The following IKZF2 variants were observed in gnomAD, a reference collection of about 807,000 sequenced individuals.
The protein encoded by IKZF2 is zinc finger protein Helios.
A neutral mutation model predicts 49.2 loss-of-function variants in IKZF2; 15 were observed. The ratio of observed to expected loss-of-function variants is 0.30; its 90% CI spans 0.20 to 0.47. IKZF2 has a LOEUF of 0.47. Ranked by LOEUF, IKZF2 falls within the 20% of genes least tolerant of loss-of-function variation. IKZF2 has a pLI of 1.00. For synonymous variants in IKZF2, 227 were observed against 221.4 expected (o/e 1.03, Z -0.23); for missense variants, 567 against 664.6 (o/e 0.85, Z 1.61).
intron 4 of IKZF2, among the ~76,000 whole-genome samples, chr2:213,124,235 TGCGCTC>T (rs1389769779): frequency 8.7e-6 from 1 of 115,176 alleles, no homozygotes; most frequent in African/African-American, 3.9e-5. Context: ...CACGCACACA[TGCGCTC>T]GCGCGCGCGC....
At chr2:213,040,031 T>A (rs1699458711) in intron 6 of IKZF2, among the ~76,000 whole-genome samples, 1 of 152,130 alleles carries the variant, frequency 6.6e-6, no homozygotes, top group African/African-American at 2.4e-5. Context: ...TTAAGATTTT[T>A]AATTTTCAAA....
intron 6 of IKZF2, among the ~76,000 whole-genome samples, chr2:213,024,171 T>C (rs1348234779): frequency 6.6e-6 from 1 of 152,160 alleles, no homozygotes. Context: ...TTGGGCTTTG[T>C]TCTAAATGTA....
At chr2:213,059,475 C>T (rs558420385) in intron 4 of IKZF2, among the ~76,000 whole-genome samples, 122 of 151,494 alleles carry the variant, frequency 8.1e-4, no homozygotes, top group African/African-American at 2.6e-3. Context: ...AAAATCAATG[C>T]GAAATGCTAT....
At chr2:213,150,707 G>GC (rs1357842651) in intron 1 of IKZF2, among the ~76,000 whole-genome samples, 6 of 137,414 alleles carry the variant, frequency 4.4e-5, no homozygotes, top group Middle Eastern at 3.6e-3. Flanking sequence ...AGAAAAGGGG[G>GC]GGGGGGCGGG....
chr2:213,128,428 T>C (rs1168513991), intron 4 of IKZF2, among the ~76,000 whole-genome samples: 2 of 152,092 alleles, frequency 1.3e-5, no homozygotes, highest in African/African-American at 2.4e-5. Flanking sequence ...AGCTATTAGG[T>C]TGAAAAACAA....
chr2:213,008,194 T>G, intron 8 of IKZF2, 110 bp from the exon 9 acceptor site: 1 of 1,276,650 alleles, frequency 7.8e-7, no homozygotes, highest in Non-Finnish European at 1.1e-6. Context: ...GCCTCCATTT[T>G]TCATAATTTG....
chr2:213,072,462 A>G (rs1389990057), intron 4 of IKZF2, among the ~76,000 whole-genome samples: 1 of 152,080 alleles, frequency 6.6e-6, no homozygotes, highest in African/African-American at 2.4e-5. Flanking sequence ...ACAGTCTACA[A>G]TCTGCAGATT....
rs575710480 is a variant in IKZF2, at chr2:213,002,612, C to T, written c.*4748G>A. On this transcript the variant is annotated 3_prime_UTR_variant, in exon 9 of 9. Transcript: ENST00000434687. ...TAACACACCCATTGCAAGTAATACACAACCATGATATGAAACCATTTGAGA... is the reference window on the plus strand; with the variant it reads ...TAACACACCCATTGCAAGTAATACATAACCATGATATGAAACCATTTGAGA... The T allele has an allele frequency of 5.3e-5, 8 of 152,028 alleles. No individual in the cohort carries two copies. In the South Asian group the frequency reaches 1.5e-3, roughly 28 times the overall value. The allele number at this position is 152,028 out of a possible 1,614,324, so 9.4% of individuals were successfully genotyped here. A position where few individuals can be genotyped will look rare whatever the true frequency, so the allele number is the denominator to read the frequency against.
intron 4 of IKZF2, chr2:213,147,507 T>C (rs978292205): frequency 2.8e-5 from 19 of 669,992 alleles, no homozygotes; most frequent in Middle Eastern, 3.2e-4. Context: ...AATGCCACCT[T>C]GGGATAGTTC....
intron 8 of IKZF2, among the ~76,000 whole-genome samples, 165 bp from the exon 9 acceptor site, chr2:213,008,249 T>G (rs1695565191): frequency 6.6e-6 from 1 of 151,988 alleles, no homozygotes; most frequent in Admixed American, 6.6e-5. Flanking sequence ...ATTCTGCTGA[T>G]GCTCACACAC....
Position 213,049,736 on chromosome 2 carries a change from G to A in IKZF2, c.551C>T (p.Thr184Ile), listed in dbSNP as rs1700503523. The A allele has an allele frequency of 1.2e-6, 2 of 1,607,362 alleles. No homozygotes were observed. Among genetic ancestry groups the A allele is most frequent in the Non-Finnish European group, 1.7e-6 (2 of 1,176,032 alleles). ...ACCAGAATGGGTCCTGAGGTGTCCT[G>A]TGAGGGCGTCCCTTCTTCTACAGGC... Reference protein sequence around the residue: ...SYACRRRDALTGHLRTHSVGK... With the variant: ...SYACRRRDALIGHLRTHSVGK... The change falls in exon 6 of 9, where the codon ACA becomes ATA. Residue 184 changes from threonine (T) to isoleucine (I), a missense_variant. Transcript: ENST00000434687.
intron 4 of IKZF2, among the ~76,000 whole-genome samples, chr2:213,091,901 C>CGT (rs763667949): frequency 1.1e-4 from 16 of 145,708 alleles, no homozygotes; most frequent in Admixed American, 2.0e-4. Flanking sequence ...TGTGTGTGTG[C>CGT]GTGTGTGTGT....
At chr2:213,044,177 C>T (rs986998233) in intron 6 of IKZF2, among the ~76,000 whole-genome samples, 3 of 152,188 alleles carry the variant, frequency 2.0e-5, no homozygotes, top group African/African-American at 7.2e-5. Context: ...AAGGTCAGTG[C>T]TCAAGACCCT....
chr2:213,042,077 T>C (rs1172438255), intron 6 of IKZF2, among the ~76,000 whole-genome samples: 1 of 152,150 alleles, frequency 6.6e-6, no homozygotes, highest in Non-Finnish European at 1.5e-5. Context: ...CCATAGCTAA[T>C]TTGCAGCAAG....
chr2:213,143,322 GTTGTTTTGTTTT>G (rs2060936661), intron 4 of IKZF2, among the ~76,000 whole-genome samples: 1 of 151,830 alleles, frequency 6.6e-6, no homozygotes, highest in African/African-American at 2.4e-5. Flanking sequence ...TCTGCCATAC[GTTGTTTTGTTTT>G]TTGAAAACGG....
In IKZF2 at chr2:213,147,768, T is replaced by A. The variant is rs749752146; in HGVS notation, c.79A>T (p.Ile27Phe). Residue 27 changes from isoleucine (I) to phenylalanine (F), a missense_variant, in exon 4 of 9, where the codon ATT becomes TTT. Physicochemically the swap from Ile to Phe is conservative, Grantham distance 21. Transcript: ENST00000434687. The stretch of plus-strand genomic sequence containing the variant: ...TTGGGTGTGCTTGAGGTGAGGTCAA[T>A]TGCCATATTGGAGTGCTCCCTTTCG... ...SPEREHSNMAIDLTSSTPNGQ... is the reference protein window; with the variant it reads ...SPEREHSNMAFDLTSSTPNGQ... The A allele has an allele frequency of 6.2e-7, 1 of 1,613,998 alleles. No homozygotes were observed. Among genetic ancestry groups the A allele is most frequent in the African/African-American group, 1.3e-5 (1 of 75,030 alleles).
At chr2:213,016,325 A>G (rs780325743) in intron 7 of IKZF2, among the ~76,000 whole-genome samples, 1 of 152,102 alleles carries the variant, frequency 6.6e-6, no homozygotes, top group Non-Finnish European at 1.5e-5. Context: ...TGTTATTACT[A>G]CTAGGAGTCT....
intron 7 of IKZF2, among the ~76,000 whole-genome samples, chr2:213,016,024 C>T (rs1034493070): frequency 2.0e-5 from 3 of 152,030 alleles, no homozygotes; most frequent in East Asian, 3.9e-4. Flanking sequence ...TTCAATGAAG[C>T]TCATGTGAAC....
chr2:213,049,682 C>A, intron 6 of IKZF2, 31 bp downstream of exon 6: 1 of 1,501,064 alleles, frequency 6.7e-7, no homozygotes, highest in Non-Finnish European at 9.0e-7. Context: ...TCCTGTTTTA[C>A]TTTTCTTCTC....
Sources: allele counts gnomAD v4.1 joint callset (sites outside exome capture counted in the v4.1 genomes callset), GRCh38; gene constraint gnomAD v4.1.1; transcripts MANE v1.5; gene names NCBI Gene and HGNC (gene_info 2026-07-23, HGNC 2026-07-21).